TET1: variants seen among roughly 807,000 people sequenced by gnomAD.
TET1 encodes tet methylcytosine dioxygenase 1.
Under a neutral mutation model 148.7 loss-of-function variants are expected in TET1, and 13 were observed. The ratio of observed to expected loss-of-function variants is 0.09; its 90% CI spans 0.06 to 0.14. The LOEUF (loss-of-function observed/expected upper bound fraction) is 0.14, where lower values mean the gene tolerates loss of function less well. Among genes scored for constraint, TET1 ranks in the 10% least tolerant of loss-of-function variants. TET1 has a pLI of 1.00. For missense variants in TET1, 2,182 were observed against 2,553.8 expected, an observed-to-expected ratio of 0.85 and a Z score of 3.14; for synonymous variants, 907 against 937.2, an observed-to-expected ratio of 0.97 and a Z score of 0.59.
chr10:68,664,676 T>TA (rs2055171674), intron 6 of TET1, among the ~76,000 whole-genome samples: 1 of 148,370 alleles, frequency 6.7e-6, no homozygotes, highest in Non-Finnish European at 1.5e-5. Flanking sequence ...CTGCATTTTT[T>TA]TTTTTTTTTT....
intron 3 of TET1, among the ~76,000 whole-genome samples, chr10:68,635,094 AAT>A (rs35973640): frequency 8.7e-5 from 13 of 149,090 alleles, no homozygotes; most frequent in African/African-American, 7.3e-5. Flanking sequence ...TGCCTGGCGC[AAT>A]ATATATATAT....
At chr10:68,603,853 C>T (rs181776877) in intron 3 of TET1, among the ~76,000 whole-genome samples, 4 of 152,180 alleles carry the variant, frequency 2.6e-5, no homozygotes, top group Admixed American at 6.5e-5. Flanking sequence ...AACTAAATAG[C>T]GATCTAAATC....
At chr10:68,577,098 G>A (rs1181090722) in intron 2 of TET1, among the ~76,000 whole-genome samples, 1 of 152,168 alleles carries the variant, frequency 6.6e-6, no homozygotes, top group East Asian at 1.9e-4. Flanking sequence ...TTTTAGTAGA[G>A]ACAGGGTTTC....
chr10:68,618,279 T>C (rs892544848), intron 3 of TET1, among the ~76,000 whole-genome samples: 1 of 152,152 alleles, frequency 6.6e-6, no homozygotes, highest in African/African-American at 2.4e-5. Context: ...TTTAAGAAAG[T>C]TGGAGTCAGG....
intron 1 of TET1, among the ~76,000 whole-genome samples, chr10:68,570,246 A>G (rs1284509128): frequency 3.3e-5 from 5 of 151,792 alleles, no homozygotes; most frequent in African/African-American, 1.2e-4. Flanking sequence ...CTGGGATTAC[A>G]GGCGCCTGCC....
chr10:68,659,600 T>G (rs1409552212), intron 6 of TET1, among the ~76,000 whole-genome samples: 1 of 152,222 alleles, frequency 6.6e-6, no homozygotes, highest in African/African-American at 2.4e-5. Flanking sequence ...ATTACAGGCA[T>G]GAGCCACCGC....
intron 6 of TET1, among the ~76,000 whole-genome samples, chr10:68,655,519 T>C (rs1403387838): frequency 6.6e-6 from 1 of 152,212 alleles, no homozygotes; most frequent in Non-Finnish European, 1.5e-5. Flanking sequence ...AGCTGGCTTC[T>C]CCTACAGTGA....
intron 4 of TET1, among the ~76,000 whole-genome samples, chr10:68,647,954 A>G (rs2054877543): frequency 6.6e-6 from 1 of 152,228 alleles, no homozygotes; most frequent in Non-Finnish European, 1.5e-5. Flanking sequence ...GTACTTATGT[A>G]TAAAGAAATT....
intron 3 of TET1, among the ~76,000 whole-genome samples, chr10:68,604,377 G>T (rs939507511): frequency 1.3e-5 from 2 of 152,192 alleles, no homozygotes; most frequent in African/African-American, 4.8e-5. Flanking sequence ...GTGTGGGAGG[G>T]TTAAGGAAAG....
intron 11 of TET1, among the ~76,000 whole-genome samples, chr10:68,688,403 G>T (rs1314266358): frequency 7.1e-6 from 1 of 141,622 alleles, no homozygotes; most frequent in Non-Finnish European, 1.5e-5. Flanking sequence ...CAGTTCTTTT[G>T]TCACAACCTC....
At chr10:68,688,566 C>T (rs2055548521) in intron 11 of TET1, among the ~76,000 whole-genome samples, 2 of 151,408 alleles carry the variant, frequency 1.3e-5, no homozygotes, top group African/African-American at 4.9e-5. Context: ...TCCCGAGTAG[C>T]TGGGACTACA....
At position 68,685,634 on chromosome 10, in the gene TET1, T is replaced by C. The variant is rs185784207; in HGVS notation, c.5053-722T>C. On this transcript the variant is annotated intron_variant, in intron 10 of 11. Coordinates refer to ENST00000373644, the MANE Select transcript of TET1 (RefSeq NM_030625.3). ...TTAGGTATCAAAAGTCAGGAATCACTATAGTGCCTATAGTTCTGTATTTTC... is the reference window on the plus strand; with the variant it reads ...TTAGGTATCAAAAGTCAGGAATCACCATAGTGCCTATAGTTCTGTATTTTC... Among the ~76,000 whole-genome samples the C allele has an allele frequency of 4.3e-3, 657 of 152,272 alleles. 13 individuals carry two copies. Among genetic ancestry groups the C allele is most frequent in the African/African-American group, 0.015 (621 of 41,570 alleles).
rs1175694874 is a variant in TET1, at chr10:68,687,150, G to A, written c.5404+443G>A. ...GATCCGCCCCCGCCCCCCCGCCCCC[G>A]CCTTGGCCTCCCAAAGTGCTGGGAT... On this transcript the variant is annotated intron_variant, in intron 11 of 11. Transcript: ENST00000373644. Among the ~76,000 whole-genome samples, 82 of 41,260 alleles carry A rather than the reference G, an allele frequency of 2.0e-3. 4 individuals are homozygous for A. Among genetic ancestry groups the A allele is most frequent in the Non-Finnish European group, 9.2e-4 (17 of 18,508 alleles). 27.1% of individuals were successfully genotyped at this position (41,260 alleles called of 152,430 possible). A position where few individuals can be genotyped will look rare whatever the true frequency, so the allele number is the denominator to read the frequency against.
chr10:68,611,664 CTTTTCTTTTCTTTCT>C lies in TET1; in HGVS notation c.1968+10634_1968+10648del, dbSNP rs1210001785. Reference sequence around the variant, plus strand: ...AGAGACCCTTTCTTTCTTTTCTTTTCTTTTCTTTTCTTTCTTTTCTTTTCTTTTCTTTTCTTTTTC... The same window carrying C: ...AGAGACCCTTTCTTTCTTTTCTTTTCTTTCTTTTCTTTTCTTTTCTTTTTC... On this transcript the variant is annotated intron_variant, in intron 3 of 11. Coordinates refer to ENST00000373644, the MANE Select transcript of TET1 (RefSeq NM_030625.3). Among the ~76,000 whole-genome samples, 10 of 142,136 alleles carry C rather than the reference CTTTTCTTTTCTTTCT, an allele frequency of 7.0e-5. No individual in the cohort carries two copies. The East Asian group carries it at 8.3e-4, about 12-fold the overall frequency. 93.2% of individuals were successfully genotyped at this position (142,136 alleles called of 152,430 possible).
At position 68,691,574 on chromosome 10, in the gene TET1, C is replaced by G. The variant is rs760210620; in HGVS notation, c.6171C>G (p.Pro2057=). 1 of 1,614,092 alleles carries G rather than the reference C, an allele frequency of 6.2e-7. No individual in the cohort carries two copies. Among genetic ancestry groups the G allele is most frequent in the Admixed American group, 1.7e-5 (1 of 60,016 alleles). The part of the protein sequence containing the change: ...VFYQHKNLNK[P]QHGFELNKIK... ...ACCAGCACAAAAACCTAAATAAGCC[C>G]CAACATGGTTTTGAACTAAACAAGA... is the stretch of plus-strand genomic sequence containing the variant. The change falls in exon 12 of 12, where the codon CCC becomes CCG. Residue 2057 remains proline, a synonymous_variant. Coordinates refer to ENST00000373644, the MANE Select transcript of TET1 (RefSeq NM_030625.3). This position sits in a 1 kb window ranked among gnomAD's most constrained non-coding sequence, Gnocchi z 4.4.
intron 3 of TET1, among the ~76,000 whole-genome samples, chr10:68,635,525 A>G (rs1215745834): frequency 6.6e-6 from 1 of 152,228 alleles, no homozygotes; most frequent in Non-Finnish European, 1.5e-5. Context: ...GCTCTGCTCC[A>G]AAGTTTGTTG....
chr10:68,576,512 A>T (rs989538549), intron 2 of TET1, among the ~76,000 whole-genome samples: 1 of 151,924 alleles, frequency 6.6e-6, no homozygotes, highest in Non-Finnish European at 1.5e-5. Context: ...AAGATACAAA[A>T]CTAACTGGGT....
intron 6 of TET1, among the ~76,000 whole-genome samples, chr10:68,655,255 T>G (rs1300313215): frequency 6.6e-6 from 1 of 152,248 alleles, no homozygotes; most frequent in East Asian, 1.9e-4. Flanking sequence ...TTTGTGGTAA[T>G]AATTTTCTTG....
chr10:68,688,559 C>T (rs2055548326), intron 11 of TET1, among the ~76,000 whole-genome samples: 1 of 151,184 alleles, frequency 6.6e-6, no homozygotes, highest in African/African-American at 2.4e-5. Flanking sequence ...CTCAACCTCC[C>T]GAGTAGCTGG....
Sources: allele counts gnomAD v4.1 joint callset (sites outside exome capture counted in the v4.1 genomes callset), GRCh38; gene constraint gnomAD v4.1.1; non-coding constraint Gnocchi (gnomAD v3.1); transcripts MANE v1.5; gene names NCBI Gene and HGNC (gene_info 2026-07-23, HGNC 2026-07-21).